The following MRTFA variants were observed in gnomAD, a reference collection of about 807,000 sequenced individuals.
The protein encoded by MRTFA is myocardin-related transcription factor A.
MRTFA carries 20 observed loss-of-function variants against 83.5 expected under a neutral mutation model. The ratio of observed to expected loss-of-function variants is 0.24; its 90% CI spans 0.17 to 0.35. The LOEUF is 0.35. Among genes scored for constraint, MRTFA ranks in the 10% least tolerant of loss-of-function variants. MRTFA has a pLI of 1.00. For missense variants in MRTFA, 1,200 were observed against 1,224.7 expected, an observed-to-expected ratio of 0.98 and a Z score of 0.30; for synonymous variants, 659 against 541.2, an observed-to-expected ratio of 1.22 and a Z score of -3.02.
At chr22:40,506,091 G>C (rs538973467) in intron 3 of MRTFA, among the ~76,000 whole-genome samples, 2 of 151,974 alleles carry the variant, frequency 1.3e-5, no homozygotes. Context: ...AAAATCAGCC[G>C]GGCATGGTAG....
In MRTFA at chr22:40,416,754, CG is replaced by C. The variant is rs1270857425; in HGVS notation, c.2578+231del. Among the ~76,000 whole-genome samples the C allele has an allele frequency of 3.3e-5, 5 of 152,236 alleles. No individual in the cohort carries two copies. Among genetic ancestry groups the C allele is most frequent in the Admixed American group, 3.3e-4 (5 of 15,284 alleles). On this transcript the variant is annotated intron_variant, in intron 14 of 14. Coordinates refer to ENST00000355630, the MANE Select transcript of MRTFA (RefSeq NM_020831.6). The surrounding 1 kb of genome is among the most constrained non-coding windows in gnomAD (Gnocchi z 4.2). ...CACAAGGGCAAATGTCTCTTCTGTT[CG>C]TTGGGAGGCGAGGGCCTTGGGGCAG...
chr22:40,585,348 G>A (rs993882003), intron 2 of MRTFA, among the ~76,000 whole-genome samples: 1 of 152,076 alleles, frequency 6.6e-6, no homozygotes, highest in Non-Finnish European at 1.5e-5. Flanking sequence ...ACTTATATGA[G>A]GTACCTAGAG....
chr22:40,531,218 C>A (rs1224355151), intron 3 of MRTFA, among the ~76,000 whole-genome samples: 1 of 150,336 alleles, frequency 6.7e-6, no homozygotes, highest in Non-Finnish European at 1.5e-5. Context: ...CCCACCTCAG[C>A]TTCCCAAGTA....
intron 3 of MRTFA, among the ~76,000 whole-genome samples, chr22:40,470,704 T>C (rs902816226): frequency 6.6e-6 from 1 of 151,710 alleles, no homozygotes; most frequent in Non-Finnish European, 1.5e-5. Flanking sequence ...ATCCCAGCAC[T>C]TTGGGACGCC....
intron 3 of MRTFA, among the ~76,000 whole-genome samples, chr22:40,479,353 A>G (rs1314582735): frequency 1.3e-5 from 2 of 152,048 alleles, no homozygotes; most frequent in Non-Finnish European, 2.9e-5. Context: ...TCAATCTGTG[A>G]GCCCTATGTA....
At chr22:40,420,772 C>A (rs1211293154) in intron 10 of MRTFA, 75 bp downstream of exon 10, 1 of 1,592,048 alleles carries the variant, frequency 6.3e-7, no homozygotes, top group Admixed American at 1.7e-5. Context: ...GGTTCACCCC[C>A]ACCAGACCTG....
intron 3 of MRTFA, among the ~76,000 whole-genome samples, chr22:40,495,181 C>T (rs986482275): frequency 6.6e-6 from 1 of 151,470 alleles, no homozygotes; most frequent in Non-Finnish European, 1.5e-5. Context: ...CAAGACCAGC[C>T]TGGGCAATAC....
At chr22:40,480,818 C>T (rs185645965) in intron 3 of MRTFA, among the ~76,000 whole-genome samples, 2 of 148,510 alleles carry the variant, frequency 1.3e-5, no homozygotes, top group African/African-American at 2.5e-5. Flanking sequence ...GCGCGATCTC[C>T]GCTCACTGCA....
At chr22:40,434,878 A>G (rs572576646) in intron 5 of MRTFA, among the ~76,000 whole-genome samples, 147 of 152,268 alleles carry the variant, frequency 9.7e-4, no homozygotes, top group African/African-American at 3.4e-3. Flanking sequence ...CTCTACCCAC[A>G]CTGGGCAGCA....
In MRTFA at chr22:40,424,511, C is replaced by T. The variant is rs916859213; in HGVS notation, c.602-130G>A. The T allele has an allele frequency of 2.8e-5, 26 of 944,820 alleles. No individual in the cohort carries two copies. In the East Asian group the frequency reaches 6.8e-4, roughly 25 times the overall value. 58.5% of individuals were successfully genotyped at this position (944,820 alleles called of 1,614,324 possible). On this transcript the variant is annotated intron_variant, in intron 7 of 14. Coordinates refer to ENST00000355630, the MANE Select transcript of MRTFA (RefSeq NM_020831.6). ...CACATGCCCCGTGAGGCAGGCAAGC[C>T]GAGGAGACTAGCAGCCAATCTGCTT...
chr22:40,613,704 T>A (rs556871753), intron 1 of MRTFA, among the ~76,000 whole-genome samples: 89 of 149,542 alleles, frequency 6.0e-4, no homozygotes, highest in Admixed American at 1.4e-3. Context: ...AAAAAAAAAA[T>A]TTTTCCAGCC....
chr22:40,573,050 G>A (rs1022411218), intron 2 of MRTFA, among the ~76,000 whole-genome samples: 1 of 152,172 alleles, frequency 6.6e-6, no homozygotes, highest in African/African-American at 2.4e-5. Context: ...CAATTTATAT[G>A]AAACGTCCAG....
At position 40,410,527 on chromosome 22, in the gene MRTFA, G is replaced by GTGGAGAGCTCC. The variant is rs1226424743; in HGVS notation, c.*852_*862dup. 8.6e-6 allele frequency: 2 copies of GTGGAGAGCTCC among 233,280 alleles called. No individual in the cohort carries two copies. Among genetic ancestry groups the GTGGAGAGCTCC allele is most frequent in the African/African-American group, 4.4e-5 (2 of 45,324 alleles). The allele number at this position is 233,280 out of a possible 1,614,324, so 14.5% of individuals were successfully genotyped here. A position where few individuals can be genotyped will look rare whatever the true frequency, so the allele number is the denominator to read the frequency against. ...GGCGGCGGGGACGGAATGTGAGTGG[G>GTGGAGAGCTCC]TGGAGAGCTCCTGGCAGGAAGGCCA... On this transcript the variant is annotated 3_prime_UTR_variant, in exon 15 of 15. Transcript: ENST00000355630.
chr22:40,587,469 T>C, intron 2 of MRTFA: 1 of 332,314 alleles, frequency 3.0e-6, no homozygotes, highest in South Asian at 2.5e-5. Flanking sequence ...TAGCCCTTTT[T>C]TGTATCACTC....
At chr22:40,433,916 G>A (rs1349753301) in intron 5 of MRTFA, among the ~76,000 whole-genome samples, 1 of 152,196 alleles carries the variant, frequency 6.6e-6, no homozygotes, top group Admixed American at 6.5e-5. Flanking sequence ...TGGTTACCAT[G>A]TGTTAGGAAA....
intron 3 of MRTFA, among the ~76,000 whole-genome samples, chr22:40,472,202 G>A (rs771529887): frequency 6.6e-6 from 1 of 152,230 alleles, no homozygotes; most frequent in Non-Finnish European, 1.5e-5. Context: ...TCTGGAATGG[G>A]GCCTAGACCT....
chr22:40,478,011 A>G (rs1159750181), intron 3 of MRTFA, among the ~76,000 whole-genome samples: 1 of 151,764 alleles, frequency 6.6e-6, no homozygotes, highest in Non-Finnish European at 1.5e-5. Flanking sequence ...GTTCAAAAAA[A>G]GCATGCTCCT....
intron 5 of MRTFA, chr22:40,433,527 G>C (rs2053110330): frequency 6.3e-6 from 1 of 157,770 alleles, no homozygotes; most frequent in Non-Finnish European, 1.4e-5. Flanking sequence ...CAGCATCTCA[G>C]AGCCCCTCAA....
chr22:40,457,481 A>AGAAAGAAAGAAAGAAG (rs1569275953), intron 4 of MRTFA, among the ~76,000 whole-genome samples: 2 of 138,940 alleles, frequency 1.4e-5, no homozygotes, highest in Admixed American at 7.2e-5. Flanking sequence ...AAAGAAAGAA[A>AGAAAGAAAGAAAGAAG]GAAAGAAGGA....
Sources: allele counts gnomAD v4.1 joint callset (sites outside exome capture counted in the v4.1 genomes callset), GRCh38; gene constraint gnomAD v4.1.1; non-coding constraint Gnocchi (gnomAD v3.1); transcripts MANE v1.5; gene names NCBI Gene and HGNC (gene_info 2026-07-23, HGNC 2026-07-21).